LMBR1: variants seen among roughly 807,000 people sequenced by gnomAD.
The protein encoded by LMBR1 is limb development membrane protein 1.
Under a neutral mutation model 73.9 loss-of-function variants are expected in LMBR1, and 52 were observed. That is an observed-to-expected ratio of 0.70 (90% CI 0.56 to 0.89). The LOEUF is 0.89. Among genes scored for constraint, LMBR1 ranks in the 40% least tolerant of loss-of-function variants. LMBR1 has a pLI of 0.00. For missense variants in LMBR1, 539 were observed against 579.8 expected (o/e 0.93, Z 0.72); for synonymous variants, 215 against 209.4 (o/e 1.03, Z -0.23).
chr7:156,890,568 G>A (rs1802726848), intron 1 of LMBR1, among the ~76,000 whole-genome samples: 1 of 152,072 alleles, frequency 6.6e-6, no homozygotes, highest in African/African-American at 2.4e-5. Context: ...TTTCCAAATG[G>A]CTAATAAACA....
downstream of LMBR1, among the ~76,000 whole-genome samples, chr7:156,673,618 T>A (rs578006760): frequency 2.6e-4 from 39 of 152,260 alleles, no homozygotes; most frequent in South Asian, 3.9e-3. Context: ...GCCTGGAAGA[T>A]CCTCAGCCAC....
rs1483598887 is a variant in LMBR1, at chr7:156,683,854, GAATCTGCACTT to G, written c.*213_*223del. ...ATGCGCTGTTCTATATGTCTGTAAG[GAATCTGCACTT>G]AACTGGAAACTACAGGGTCCATCAG... On this transcript the variant is annotated 3_prime_UTR_variant, in exon 17 of 17. Coordinates refer to ENST00000353442, the MANE Select transcript of LMBR1 (RefSeq NM_022458.4). 4.0e-6 allele frequency: 2 copies of G among 497,850 alleles called. No individual in the cohort carries two copies. Among genetic ancestry groups the G allele is most frequent in the Non-Finnish European group, 7.1e-6 (2 of 282,730 alleles). 30.8% of individuals were successfully genotyped at this position (497,850 alleles called of 1,614,324 possible).
chr7:156,675,794 T>G, downstream of LMBR1: 1 of 1,614,134 alleles, frequency 6.2e-7, no homozygotes, highest in Non-Finnish European at 8.5e-7. Context: ...ATCGAAGTGT[T>G]CTTCAGCAGT....
intron 15 of LMBR1, among the ~76,000 whole-genome samples, chr7:156,698,376 G>T (rs1808802682): frequency 6.6e-6 from 1 of 152,180 alleles, no homozygotes; most frequent in Non-Finnish European, 1.5e-5. Context: ...GCCCCAGTAG[G>T]GACTCCGTGT....
intron 1 of LMBR1, among the ~76,000 whole-genome samples, chr7:156,842,958 T>G (rs929559629): frequency 1.3e-5 from 2 of 152,140 alleles, no homozygotes; most frequent in East Asian, 1.9e-4. Context: ...GCTTGCAGAC[T>G]TCTACCTTTC....
rs893699302 is a variant in LMBR1 at position 156,683,271 on chromosome 7, A to G, written c.*807T>C. The G allele has an allele frequency of 1.3e-4, 20 of 152,458 alleles. No individual in the cohort carries two copies. Among genetic ancestry groups the G allele is most frequent in the African/African-American group, 4.8e-4 (20 of 41,606 alleles). 9.4% of individuals were successfully genotyped at this position (152,458 alleles called of 1,614,324 possible). On this transcript the variant is annotated 3_prime_UTR_variant, in exon 17 of 17. Coordinates refer to ENST00000353442, the MANE Select transcript of LMBR1 (RefSeq NM_022458.4). ...AAAAAACTGAGTATACATATAGCCTATAAGGTAAAAATCCAAGTTACAAGT... is the reference window on the plus strand; with the variant it reads ...AAAAAACTGAGTATACATATAGCCTGTAAGGTAAAAATCCAAGTTACAAGT...
chr7:156,711,534 T>G (rs1246265060), intron 15 of LMBR1, among the ~76,000 whole-genome samples: 1 of 151,970 alleles, frequency 6.6e-6, no homozygotes, highest in African/African-American at 2.4e-5. Context: ...AAAAAGAGCA[T>G]GAATAGCCAA....
chr7:156,767,250 G>A (rs1488377291), intron 5 of LMBR1, among the ~76,000 whole-genome samples: 1 of 152,054 alleles, frequency 6.6e-6, no homozygotes, highest in East Asian at 1.9e-4. Flanking sequence ...AGGAGCCCAC[G>A]TCACCATCCT....
At chr7:156,760,557 CCAAACAAA>C (rs200302774) in intron 8 of LMBR1, among the ~76,000 whole-genome samples, 2 of 149,486 alleles carry the variant, frequency 1.3e-5, no homozygotes, top group African/African-American at 2.5e-5. Flanking sequence ...AGAAAGAAGA[CCAAACAAA>C]CAAACAAACA....
intron 15 of LMBR1, among the ~76,000 whole-genome samples, chr7:156,711,129 T>G (rs1585311408): frequency 6.6e-6 from 1 of 152,236 alleles, no homozygotes; most frequent in East Asian, 1.9e-4. Flanking sequence ...GCTAACATGG[T>G]GAAACCCTAT....
intron 16 of LMBR1, among the ~76,000 whole-genome samples, chr7:156,687,076 C>G (rs1806154750): frequency 1.3e-5 from 2 of 152,128 alleles, no homozygotes; most frequent in Admixed American, 1.3e-4. Context: ...CCAAAGGTCA[C>G]CCTCTCAAAC....
At chr7:156,827,367 T>A (rs1835880836) in intron 3 of LMBR1, among the ~76,000 whole-genome samples, 1 of 151,980 alleles carries the variant, frequency 6.6e-6, no homozygotes, top group African/African-American at 2.4e-5. Context: ...TGGAAGAATA[T>A]CTAAAATAAG....
intron 1 of LMBR1, among the ~76,000 whole-genome samples, chr7:156,852,177 T>A (rs562181927): frequency 2.3e-4 from 35 of 152,170 alleles, no homozygotes; most frequent in African/African-American, 8.2e-4. Context: ...AATAATAATA[T>A]AACAATAAAC....
At chr7:156,820,422 A>C (rs1834573444) in intron 4 of LMBR1, among the ~76,000 whole-genome samples, 1 of 152,162 alleles carries the variant, frequency 6.6e-6, no homozygotes, top group Admixed American at 6.5e-5. Context: ...ATAGGATATT[A>C]ATATCACACT....
intron 5 of LMBR1, among the ~76,000 whole-genome samples, chr7:156,784,055 A>G (rs551023524): frequency 7.9e-4 from 119 of 151,212 alleles, no homozygotes; most frequent in African/African-American, 2.8e-3. Flanking sequence ...AAAAGTGGTA[A>G]CCAGCTCTGA....
intron 1 of LMBR1, among the ~76,000 whole-genome samples, chr7:156,862,090 T>G (rs1049790526): frequency 2.0e-5 from 3 of 152,254 alleles, no homozygotes; most frequent in Non-Finnish European, 2.9e-5. Context: ...GTTTCCACGC[T>G]GCTGATAAAG....
At chr7:156,741,106 G>C (rs564221528) in intron 9 of LMBR1, among the ~76,000 whole-genome samples, 9 of 152,238 alleles carry the variant, frequency 5.9e-5, no homozygotes, top group African/African-American at 2.2e-4. Context: ...TGGGTTATAG[G>C]ATAGTATTTG....
chr7:156,839,248 C>T (rs1214594932), intron 1 of LMBR1, among the ~76,000 whole-genome samples: 1 of 151,930 alleles, frequency 6.6e-6, no homozygotes, highest in African/African-American at 2.4e-5. Flanking sequence ...GGGGTTTCAC[C>T]ATGTTGGTCA....
At chr7:156,736,226 A>G (rs953202733) in intron 9 of LMBR1, among the ~76,000 whole-genome samples, 1 of 152,182 alleles carries the variant, frequency 6.6e-6, no homozygotes, top group African/African-American at 2.4e-5. Flanking sequence ...GCAAATCCAA[A>G]TCAGGTACTT....
Sources: gnomAD v4.1 joint callset for allele counts (sites outside exome capture counted in the v4.1 genomes callset) on GRCh38, gnomAD v4.1.1 for gene constraint, MANE v1.5 for transcripts, NCBI Gene and HGNC (gene_info 2026-07-23, HGNC 2026-07-21) for gene names.